The following APBA2 variants were observed in gnomAD, a reference collection of about 807,000 sequenced individuals.
APBA2 encodes amyloid beta precursor protein binding family A member 2, also known as amyloid-beta A4 precursor protein-binding family A member 2.
In APBA2, 30 loss-of-function variants were observed where a neutral mutation model predicts 75.0. The ratio of observed to expected loss-of-function variants is 0.40; its 90% confidence interval spans 0.30 to 0.54. The LOEUF (loss-of-function observed/expected upper bound fraction) is 0.54, where lower values mean the gene tolerates loss of function less well. APBA2 is among the 20% of genes least tolerant of loss of function. The probability of loss-of-function intolerance (pLI) is 0.49; values close to 1 mark genes in which losing one functional copy is unlikely to be tolerated. For synonymous variants in APBA2, 444 were observed against 409.6 expected (o/e 1.08, Z -1.01); for missense variants, 801 against 1,016.1 (o/e 0.79, Z 2.88).
At chr15:28,888,477 G>C (rs1287252309) in intron 1 of APBA2, among the ~76,000 whole-genome samples, 2 of 152,094 alleles carry the variant, frequency 1.3e-5, no homozygotes, top group Non-Finnish European at 2.9e-5. Flanking sequence ...AGACCCCCTC[G>C]AGGCCTCAGC....
intron 2 of APBA2, among the ~76,000 whole-genome samples, chr15:28,978,502 C>A (rs866946648): frequency 6.6e-6 from 1 of 152,240 alleles, no homozygotes; most frequent in African/African-American, 2.4e-5. Context: ...GAGAAAGGAG[C>A]TCCCCAGAGT....
rs1180107121 is a variant in APBA2 at position 29,101,707 on chromosome 15, T to C, written c.1447T>C (p.Cys483Arg). ...CATGCCCCGGTCAGCCTCTCAGGAC[T>C]GCATCGAGACCACGCCCGGGGCCCA... ...RRMPRSASQD[C>R]IETTPGAQEG... is the part of the protein sequence containing the mutation. The change falls in exon 10 of 15, where the codon TGC (cysteine) becomes CGC (arginine). Residue 483 changes from cysteine to arginine, a missense_variant. This residue lies in a region of APBA2 where 367 missense variants were observed against 544.5 expected (regional missense o/e 0.67). Transcript: ENST00000683413. 6.2e-7 allele frequency: 1 copy of C among 1,613,724 alleles called. No homozygotes were observed. The highest frequency in any genetic ancestry group is 8.5e-7 in the Non-Finnish European group (1 of 1,180,044).
chr15:29,069,240 T>A (rs1197815069), intron 4 of APBA2, among the ~76,000 whole-genome samples: 4 of 152,246 alleles, frequency 2.6e-5, no homozygotes, highest in African/African-American at 9.6e-5. Flanking sequence ...TATTTTACAT[T>A]TTATTAATCC....
chr15:29,110,516 T>C (rs1596000656), intron 13 of APBA2, among the ~76,000 whole-genome samples: 1 of 152,146 alleles, frequency 6.6e-6, no homozygotes, highest in Admixed American at 6.5e-5. Flanking sequence ...CACCATGGGG[T>C]GGCCTGGGGG....
intron 14 of APBA2, among the ~76,000 whole-genome samples, chr15:29,116,362 C>T (rs768675468): frequency 6.6e-6 from 1 of 152,008 alleles, no homozygotes; most frequent in Non-Finnish European, 1.5e-5. Flanking sequence ...CGCGGTGGCT[C>T]AGGCCTGTAA....
chr15:28,932,757 T>A (rs566070657), intron 2 of APBA2, among the ~76,000 whole-genome samples: 1 of 152,182 alleles, frequency 6.6e-6, no homozygotes, highest in African/African-American at 2.4e-5. Context: ...GATCTGATGC[T>A]TGTGTTCCAC....
chr15:29,099,753 G>A (rs1247109882), intron 9 of APBA2, among the ~76,000 whole-genome samples: 1 of 152,224 alleles, frequency 6.6e-6, no homozygotes, highest in African/African-American at 2.4e-5. Flanking sequence ...CATGGAGGGT[G>A]CCACACCTGG....
At chr15:29,061,352 C>T (rs1271588544) in intron 4 of APBA2, among the ~76,000 whole-genome samples, 1 of 152,200 alleles carries the variant, frequency 6.6e-6, no homozygotes, top group Non-Finnish European at 1.5e-5. Flanking sequence ...ATTCCTTGTC[C>T]AGGACCTCCA....
At chr15:29,112,987 A>G (rs1208626815) in intron 13 of APBA2, among the ~76,000 whole-genome samples, 2 of 152,104 alleles carry the variant, frequency 1.3e-5, no homozygotes, top group Non-Finnish European at 2.9e-5. Flanking sequence ...TTCATGCAGC[A>G]TAGTGTCCCC....
intron 9 of APBA2, among the ~76,000 whole-genome samples, chr15:29,099,190 A>T (rs1388808426): frequency 6.6e-6 from 1 of 152,052 alleles, no homozygotes; most frequent in Non-Finnish European, 1.5e-5. Flanking sequence ...TGGGCAAACC[A>T]TCTGGACTAG....
chr15:29,074,195 G>C (rs1031512040), intron 4 of APBA2, among the ~76,000 whole-genome samples: 1 of 152,076 alleles, frequency 6.6e-6, no homozygotes, highest in Non-Finnish European at 1.5e-5. Flanking sequence ...GCACACCCAC[G>C]TTCATAGCAG....
At chr15:28,987,725 GAGAGATATATATAT>G (rs1390501656) in intron 2 of APBA2, among the ~76,000 whole-genome samples, 28 of 118,562 alleles carry the variant, frequency 2.4e-4, no homozygotes, top group East Asian at 1.0e-3. Context: ...AATATGTGGA[GAGAGATATATATAT>G]ATATATATAT....
In APBA2 at chr15:28,974,389, A is replaced by AT. The variant is rs1219641336; in HGVS notation, c.-94-21362dup. On this transcript the variant is annotated intron_variant, in intron 2 of 14. Coordinates refer to ENST00000683413, the MANE Select transcript of APBA2 (RefSeq NM_001353788.2). ...CATGAGGGACACGCAGTTCCAGGAC[A>AT]TTGTGACTGCCTTGCTCAGCCTGAG... Among the ~76,000 whole-genome samples, 5 of 152,328 alleles carry AT rather than the reference A, an allele frequency of 3.3e-5. No individual in the cohort carries two copies. The East Asian group carries it at 9.6e-4, about 29-fold the overall frequency.
At chr15:28,957,754 G>T (rs1421907691) in intron 2 of APBA2, among the ~76,000 whole-genome samples, 1 of 152,202 alleles carries the variant, frequency 6.6e-6, no homozygotes, top group African/African-American at 2.4e-5. Context: ...GACGGGTGGT[G>T]CTGTGCATCA....
At chr15:28,920,198 A>G (rs2033900882) in intron 1 of APBA2, among the ~76,000 whole-genome samples, 1 of 152,184 alleles carries the variant, frequency 6.6e-6, no homozygotes, top group Non-Finnish European at 1.5e-5. Flanking sequence ...TTCCCCTAGA[A>G]TTCAGAGATG....
chr15:29,014,525 T>C (rs973173849), intron 3 of APBA2, among the ~76,000 whole-genome samples: 1 of 152,140 alleles, frequency 6.6e-6, no homozygotes, highest in African/African-American at 2.4e-5. Flanking sequence ...AGACAAAAAA[T>C]GCAGTTTCTC....
At chr15:29,030,179 A>G (rs897071705) in intron 3 of APBA2, among the ~76,000 whole-genome samples, 4 of 152,082 alleles carry the variant, frequency 2.6e-5, no homozygotes, top group Non-Finnish European at 5.9e-5. Flanking sequence ...GAGAAACATG[A>G]CCGGGCCCGG....
chr15:29,098,383 AT>A, intron 8 of APBA2, 106 bp from the exon 9 acceptor site: 1 of 782,696 alleles, frequency 1.3e-6, no homozygotes, highest in Non-Finnish European at 2.3e-6. Flanking sequence ...TTTAATTTGG[AT>A]TTATCTGGTG....
intron 1 of APBA2, among the ~76,000 whole-genome samples, chr15:28,919,769 G>A (rs987760448): frequency 2.6e-5 from 4 of 152,144 alleles, no homozygotes; most frequent in Non-Finnish European, 5.9e-5. Context: ...GATGAGCCCC[G>A]CTCCCCCAGG....
Sources: allele counts gnomAD v4.1 joint callset (sites outside exome capture counted in the v4.1 genomes callset), GRCh38; gene constraint gnomAD v4.1.1; regional missense constraint gnomAD v4.1.1; transcripts MANE v1.5; gene names NCBI Gene and HGNC (gene_info 2026-07-23, HGNC 2026-07-21).